The following PCMTD1 variants were observed in gnomAD, a reference collection of about 807,000 sequenced individuals.
PCMTD1 encodes the protein protein-L-isoaspartate (D-aspartate) O-methyltransferase domain containing 1.
In PCMTD1, 12 loss-of-function variants were observed where a neutral mutation model predicts 37.6. That is an observed-to-expected ratio of 0.32 (90% CI 0.20 to 0.52). The LOEUF (loss-of-function observed/expected upper bound fraction) is 0.52. Among genes scored for constraint, PCMTD1 ranks in the 20% least tolerant of loss-of-function variants. The pLI, the probability that PCMTD1 is intolerant of heterozygous loss-of-function variation, is 0.97. For synonymous variants in PCMTD1, 117 were observed against 135.8 expected (o/e 0.86, Z 0.96); for missense variants, 235 against 421.3 (o/e 0.56, Z 3.87).
intron 1 of PCMTD1, among the ~76,000 whole-genome samples, chr8:51,890,932 T>C (rs563175492): frequency 6.6e-6 from 1 of 152,326 alleles, no homozygotes; most frequent in South Asian, 2.1e-4. Flanking sequence ...AAGCTGGACA[T>C]TTCTAGTGGT....
At chr8:51,821,001 G>A (rs1437139252) in intron 5 of PCMTD1, among the ~76,000 whole-genome samples, 1 of 151,996 alleles carries the variant, frequency 6.6e-6, no homozygotes, top group Non-Finnish European at 1.5e-5. Context: ...TTGGAAACAG[G>A]GTACATGACT....
chr8:51,820,492 A>G lies in PCMTD1; in HGVS notation c.933T>C (p.Asp311=), dbSNP rs762633269. The G allele has an allele frequency of 1.1e-5, 17 of 1,613,788 alleles. No homozygotes were observed. The South Asian group carries it at 1.8e-4, about 17-fold the overall frequency. ...GATCTTTTTCCTCCTCTTCTTTGTT[A>G]TCCTCTTCCATTTTTTCATCCTCTT... ...DSEEDEKMEE[D]NKEEEEKDHN... Residue 311 remains aspartate (D), a synonymous_variant, in exon 6 of 6, where the codon GAT becomes GAC. Coordinates refer to ENST00000522514, the MANE Select transcript of PCMTD1 (RefSeq NM_052937.4).
chr8:51,861,005 ATT>A lies in PCMTD1; in HGVS notation c.145_146del (p.Asn49CysfsTer22). 1 of 1,614,134 alleles carries A rather than the reference ATT, an allele frequency of 6.2e-7. No individual in the cohort carries two copies. Among genetic ancestry groups the A allele is most frequent in the Non-Finnish European group, 8.5e-7 (1 of 1,180,002 alleles). ...GDYYLEGYRD[N>X]AYKDLAWKHG... ...GCTTCCAGGCTAAGTCTTTGTAAGC[ATT>A]GTCTCTGTAGCCTTCCAAATAGTAA... On this transcript the variant is annotated frameshift_variant, in exon 2 of 6. Coordinates refer to ENST00000522514, the MANE Select transcript of PCMTD1 (RefSeq NM_052937.4). LOFTEE classifies it high-confidence loss of function.
intron 2 of PCMTD1, among the ~76,000 whole-genome samples, chr8:51,857,606 A>G (rs1370405753): frequency 6.6e-6 from 1 of 152,220 alleles, no homozygotes; most frequent in Non-Finnish European, 1.5e-5. Context: ...GAATGAAACG[A>G]CAGTACTGAG....
intron 1 of PCMTD1, among the ~76,000 whole-genome samples, chr8:51,873,592 A>G (rs2038667844): frequency 1.3e-5 from 2 of 152,120 alleles, no homozygotes; most frequent in South Asian, 4.2e-4. Flanking sequence ...GTAATCCCCA[A>G]TTGCAGGCAG....
chr8:51,863,338 T>C (rs1356427713), intron 1 of PCMTD1, among the ~76,000 whole-genome samples: 1 of 152,214 alleles, frequency 6.6e-6, no homozygotes, highest in South Asian at 2.1e-4. Flanking sequence ...AATTCAAAAT[T>C]ATCATAGCAA....
rs1475885209 is a variant in PCMTD1, at chr8:51,836,787, T to C, written c.411-3098A>G. ...CAGAGTCTTGCTGTGTTGCCCAGGC[T>C]TGTCTTGTACTCCTGGCCTCAAGTG... is the stretch of plus-strand genomic sequence containing the variant. On this transcript the variant is annotated intron_variant, in intron 3 of 5. Transcript: ENST00000522514. Among the ~76,000 whole-genome samples, 2 of 152,170 alleles carry C rather than the reference T, an allele frequency of 1.3e-5. 1 individual carries two copies. Among genetic ancestry groups the C allele is most frequent in the Non-Finnish European group, 2.9e-5 (2 of 68,030 alleles).
intron 3 of PCMTD1, 140 bp from the exon 4 acceptor site, chr8:51,833,829 T>C (rs984121989): frequency 5.6e-6 from 3 of 538,228 alleles, no homozygotes; most frequent in Non-Finnish European, 3.1e-6. Flanking sequence ...TATTTAAATA[T>C]AATATTTATT....
At chr8:51,840,961 GA>G in intron 3 of PCMTD1, among the ~76,000 whole-genome samples, 1 of 152,220 alleles carries the variant, frequency 6.6e-6, no homozygotes, top group Non-Finnish European at 1.5e-5. Flanking sequence ...AGTAAATTAT[GA>G]AAATAAAAGT....
chr8:51,845,682 T>C lies in PCMTD1; in HGVS notation c.389A>G (p.Lys130Arg). 6.2e-7 allele frequency: 1 copy of C among 1,612,354 alleles called. No homozygotes were observed. The highest frequency in any genetic ancestry group is 2.2e-5 in the East Asian group (1 of 44,796). ...YAKEKLESFI[K>R]NSDSFDKFEF... ...TTACTTATCAAAGCTATCACTATTT[T>C]TGATGAAGCTCTCCAGTTTTTCCTT... Residue 130 changes from lysine (K) to arginine (R), a missense_variant, in exon 3 of 6, where the codon AAA becomes AGA. By Grantham distance (26) the Lys-to-Arg change is conservative. Coordinates refer to ENST00000522514, the MANE Select transcript of PCMTD1 (RefSeq NM_052937.4).
chr8:51,847,981 T>A (rs1320994616), intron 2 of PCMTD1, among the ~76,000 whole-genome samples: 1 of 152,008 alleles, frequency 6.6e-6, no homozygotes, highest in Non-Finnish European at 1.5e-5. Context: ...CTCGAGAGGC[T>A]GAGGCAGGAG....
intron 3 of PCMTD1, 62 bp from the exon 4 acceptor site, chr8:51,833,751 C>G: frequency 1.4e-6 from 2 of 1,386,690 alleles, no homozygotes; most frequent in Non-Finnish European, 2.0e-6. Context: ...AAAAATTTAC[C>G]ATAATCCAGT....
intron 1 of PCMTD1, among the ~76,000 whole-genome samples, chr8:51,876,780 G>A (rs1472264642): frequency 6.6e-6 from 1 of 152,156 alleles, no homozygotes; most frequent in Non-Finnish European, 1.5e-5. Context: ...GAGAATCAAA[G>A]AGTCCATACC....
chr8:51,856,345 T>A (rs1301243442), intron 2 of PCMTD1, among the ~76,000 whole-genome samples: 2 of 152,178 alleles, frequency 1.3e-5, no homozygotes, highest in Non-Finnish European at 2.9e-5. Flanking sequence ...CACGGCTTTT[T>A]AAAAAATGAA....
intron 1 of PCMTD1, among the ~76,000 whole-genome samples, chr8:51,894,278 G>GT (rs1327603468): frequency 6.6e-6 from 1 of 152,192 alleles, no homozygotes; most frequent in African/African-American, 2.4e-5. Context: ...CAGAAAGAAT[G>GT]TAACTTAATA....
chr8:51,850,350 G>C (rs1031118571), intron 2 of PCMTD1, among the ~76,000 whole-genome samples: 7 of 152,108 alleles, frequency 4.6e-5, no homozygotes, highest in Non-Finnish European at 8.8e-5. Context: ...CTACATAAGG[G>C]GTTCTCAACC....
chr8:51,838,206 GC>G (rs2038094983), intron 3 of PCMTD1, among the ~76,000 whole-genome samples: 1 of 152,140 alleles, frequency 6.6e-6, no homozygotes, highest in Non-Finnish European at 1.5e-5. Context: ...TTTCAGGTAG[GC>G]CAGGTATGGT....
At chr8:51,847,323 C>A (rs2038236691) in intron 2 of PCMTD1, among the ~76,000 whole-genome samples, 1 of 152,160 alleles carries the variant, frequency 6.6e-6, no homozygotes, top group South Asian at 2.1e-4. Flanking sequence ...TAGTTTACCT[C>A]ATTTAAAATA....
At chr8:51,841,330 T>C (rs2038144510) in intron 3 of PCMTD1, among the ~76,000 whole-genome samples, 1 of 152,204 alleles carries the variant, frequency 6.6e-6, no homozygotes, top group African/African-American at 2.4e-5. Context: ...TGGCAAACTA[T>C]ACAGAGACAA....
Sources: allele counts gnomAD v4.1 joint callset (sites outside exome capture counted in the v4.1 genomes callset), GRCh38; gene constraint gnomAD v4.1.1; transcripts MANE v1.5; gene names NCBI Gene and HGNC (gene_info 2026-07-23, HGNC 2026-07-21).